The following ELF5 variants were observed in gnomAD, a reference collection of about 807,000 sequenced individuals.
The protein encoded by ELF5 is ETS-related transcription factor Elf-5.
In ELF5, 31 loss-of-function variants were observed where a neutral mutation model predicts 38.2. The ratio of observed to expected loss-of-function variants is 0.81; its 90% CI spans 0.61 to 1.10. The LOEUF is 1.10. Among genes scored for constraint, ELF5 ranks in the 50% least tolerant of loss-of-function variants. The pLI is 0.00. For synonymous variants in ELF5, 121 were observed against 112.5 expected (o/e 1.08, Z -0.48); for missense variants, 300 against 306.6 (o/e 0.98, Z 0.16).
intron 2 of ELF5, among the ~76,000 whole-genome samples, chr11:34,503,349 G>A (rs184321457): frequency 6.5e-4 from 99 of 151,346 alleles, no homozygotes; most frequent in African/African-American, 2.3e-3. Flanking sequence ...TCGTAGAGAC[G>A]GGGTTTCTCC....
At chr11:34,499,390 C>A (rs1850399449) in intron 2 of ELF5, among the ~76,000 whole-genome samples, 2 of 151,952 alleles carry the variant, frequency 1.3e-5, no homozygotes, top group African/African-American at 4.8e-5. Context: ...CGCAGTTGTG[C>A]AACACCATGC....
At chr11:34,511,883 T>A (rs1564988793) in intron 1 of ELF5, 1 of 378,258 alleles carries the variant, frequency 2.6e-6, no homozygotes, top group Non-Finnish European at 4.8e-6. Context: ...GACCAAAAAT[T>A]GGCCCAATTA....
chr11:34,480,183 GA>G lies in ELF5; in HGVS notation c.*34del, dbSNP rs1856900909. 6.4e-7 allele frequency: 1 copy of G among 1,555,744 alleles called. No individual in the cohort carries two copies. Among genetic ancestry groups the G allele is most frequent in the Admixed American group, 1.7e-5 (1 of 58,534 alleles). ...TGCAATCTGATTGTTTTAAAAGACAGAAATCCATAAAATGAGCTTGATGCCT... is the reference window on the plus strand; with the variant it reads ...TGCAATCTGATTGTTTTAAAAGACAGAATCCATAAAATGAGCTTGATGCCT... On this transcript the variant is annotated 3_prime_UTR_variant, in exon 7 of 7. Transcript: ENST00000257832.
Position 34,480,985 on chromosome 11 carries a change from AC to A in ELF5, c.476-19del. 6.5e-7 allele frequency: 1 copy of A among 1,550,106 alleles called. No individual in the cohort carries two copies. Among genetic ancestry groups the A allele is most frequent in the Non-Finnish European group, 8.7e-7 (1 of 1,150,582 alleles). ...TTGGAGGCCTTTTGAAAAGGGGAAA[AC>A]ATTAACTATTTACCATTGTTTTTTA... On this transcript the variant is annotated intron_variant, in intron 5 of 6. Coordinates refer to ENST00000257832, the MANE Select transcript of ELF5 (RefSeq NM_001422.4).
chr11:34,488,724 G>T (rs536210484), intron 4 of ELF5, among the ~76,000 whole-genome samples: 1 of 152,328 alleles, frequency 6.6e-6, no homozygotes, highest in Admixed American at 6.5e-5. Context: ...GCTGGTAAGT[G>T]ATTCCTATTT....
intron 2 of ELF5, among the ~76,000 whole-genome samples, chr11:34,497,539 AAGG>A (rs959037953): frequency 2.0e-5 from 3 of 152,204 alleles, no homozygotes; most frequent in Admixed American, 6.5e-5. Context: ...TTAAATTCAG[AAGG>A]AGGACTTTAG....
At chr11:34,503,534 G>C (rs1254735933) in intron 2 of ELF5, among the ~76,000 whole-genome samples, 1 of 145,098 alleles carries the variant, frequency 6.9e-6, no homozygotes, top group East Asian at 2.1e-4. Context: ...CTGCAGCCTC[G>C]GCCTTCCGGG....
At chr11:34,509,610 G>T (rs1258031609) in intron 1 of ELF5, among the ~76,000 whole-genome samples, 2 of 151,508 alleles carry the variant, frequency 1.3e-5, no homozygotes, top group Admixed American at 1.3e-4. Flanking sequence ...TTTATATCCT[G>T]AGTGAGGGGG....
chr11:34,487,876 G>C (rs1850045645), intron 4 of ELF5, among the ~76,000 whole-genome samples: 2 of 152,110 alleles, frequency 1.3e-5, no homozygotes, highest in South Asian at 4.2e-4. Flanking sequence ...GGCCCCGTGT[G>C]GCTAGTGGCT....
At position 34,480,370 on chromosome 11, in the gene ELF5, CAG is replaced by C. The variant is rs1287828175; in HGVS notation, c.672-58_672-57del. 4.4e-6 allele frequency: 6 copies of C among 1,370,068 alleles called. No individual in the cohort carries two copies. In the Admixed American group the frequency reaches 1.0e-4, roughly 23 times the overall value. The allele number at this position is 1,370,068 out of a possible 1,614,324, so 84.9% of individuals were successfully genotyped here. A position where few individuals can be genotyped will look rare whatever the true frequency, so the allele number is the denominator to read the frequency against. ...GAGAGCTTGCACCCTAGGAAAACAA[CAG>C]AACACAAACACTGTCTCCTCATTCC... On this transcript the variant is annotated intron_variant, in intron 6 of 6. Coordinates refer to ENST00000257832, the MANE Select transcript of ELF5 (RefSeq NM_001422.4).
chr11:34,481,002 T>C (rs1344577025), intron 5 of ELF5, 35 bp from the exon 6 acceptor site: 5 of 1,436,028 alleles, frequency 3.5e-6, no homozygotes, highest in African/African-American at 1.5e-5. Flanking sequence ...CTATTTACCA[T>C]TGTTTTTTAA....
chr11:34,488,962 C>A (rs1443995648), intron 4 of ELF5, among the ~76,000 whole-genome samples: 2 of 152,118 alleles, frequency 1.3e-5, no homozygotes, highest in African/African-American at 2.4e-5. Context: ...GGGATTCTAC[C>A]AGCACCAGGA....
In ELF5 at chr11:34,493,494, T is replaced by A. The variant is rs1850231893; in HGVS notation, c.340A>T (p.Asn114Tyr). ...GAACACTGACCTTGTGTGCGGATGT[T>A]CTGGAGGATGAAGTACAGGTACTCG... The part of the protein sequence containing the change: ...CGEYLYFILQ[N>Y]IRTQGYSFFN... The change falls in exon 3 of 7, where the codon AAC (asparagine) becomes TAC (tyrosine). Residue 114 changes from asparagine (N) to tyrosine (Y), a missense_variant. Asn to Tyr is a moderately radical substitution (Grantham distance 143). Transcript: ENST00000257832. 1 of 1,613,708 alleles carries A rather than the reference T, an allele frequency of 6.2e-7. No individual in the cohort carries two copies.
At chr11:34,504,196 G>A (rs531933436) in intron 2 of ELF5, among the ~76,000 whole-genome samples, 27 of 152,332 alleles carry the variant, frequency 1.8e-4, no homozygotes, top group African/African-American at 6.3e-4. Context: ...AGGGCACGGC[G>A]ACTTGAAAGT....
Position 34,479,279 on chromosome 11 carries a change from A to C in ELF5, c.*939T>G, listed in dbSNP as rs1380041357. On this transcript the variant is annotated 3_prime_UTR_variant, in exon 7 of 7. Coordinates refer to ENST00000257832, the MANE Select transcript of ELF5 (RefSeq NM_001422.4). ...GATGGAATCAATGAATTTCGATTTT[A>C]TTGTGTTGACAGCTTGAATCACAGA... The C allele has an allele frequency of 1.3e-5, 2 of 152,420 alleles. No homozygotes were observed. The highest frequency in any genetic ancestry group is 2.9e-5 in the Non-Finnish European group (2 of 68,046). The allele number at this position is 152,420 out of a possible 1,614,324, so 9.4% of individuals were successfully genotyped here.
chr11:34,495,323 T>G (rs1357472567), intron 2 of ELF5, among the ~76,000 whole-genome samples: 2 of 152,174 alleles, frequency 1.3e-5, no homozygotes, highest in African/African-American at 4.8e-5. Flanking sequence ...GTGGTGCGAT[T>G]TGCAGCGTTT....
chr11:34,482,141 C>T (rs898168610), intron 5 of ELF5, among the ~76,000 whole-genome samples: 1 of 152,178 alleles, frequency 6.6e-6, no homozygotes, highest in Non-Finnish European at 1.5e-5. Flanking sequence ...TTCACAACTA[C>T]GATCATGTCT....
At chr11:34,505,426 A>T (rs1265534532) in intron 2 of ELF5, among the ~76,000 whole-genome samples, 2 of 152,230 alleles carry the variant, frequency 1.3e-5, no homozygotes, top group African/African-American at 2.4e-5. Context: ...CCACAGAACT[A>T]GGGAGTTTGG....
At chr11:34,485,806 G>A (rs910407195) in intron 4 of ELF5, among the ~76,000 whole-genome samples, 1 of 152,098 alleles carries the variant, frequency 6.6e-6, no homozygotes, top group African/African-American at 2.4e-5. Context: ...TAATACTGAG[G>A]CAGGTTCCCA....
Sources: gnomAD v4.1 joint callset for allele counts (sites outside exome capture counted in the v4.1 genomes callset) on GRCh38, gnomAD v4.1.1 for gene constraint, MANE v1.5 for transcripts, NCBI Gene and HGNC (gene_info 2026-07-23, HGNC 2026-07-21) for gene names.